HIF3A: variants seen among roughly 807,000 people sequenced by gnomAD.
HIF3A encodes the protein hypoxia-inducible factor 3-alpha.
In HIF3A, 41 loss-of-function variants were observed where a neutral mutation model predicts 67.2. That is an observed-to-expected ratio of 0.61 (90% confidence interval 0.48 to 0.79). HIF3A has a LOEUF of 0.79. Ranked by LOEUF, HIF3A falls within the 30% of genes least tolerant of loss-of-function variation. HIF3A has a pLI of 0.00. For synonymous variants in HIF3A, 356 were observed against 374.8 expected (o/e 0.95, Z 0.58); for missense variants, 855 against 898.0 (o/e 0.95, Z 0.61).
At position 46,320,440 on chromosome 19, in the gene HIF3A, C is replaced by T. The variant is rs1187977540; in HGVS notation, c.1026-3C>T. On this transcript the variant is annotated splice_region_variant and splice_polypyrimidine_tract_variant and intron_variant, in intron 8 of 14. Transcript: ENST00000377670. ...CCACCTCCCTTTCTGCCTTGTACCC[C>T]AGCCAGGTGGAAGAGACCGGAGTGG... 1 of 1,611,962 alleles carries T rather than the reference C, an allele frequency of 6.2e-7. No homozygotes were observed.
intron 3 of HIF3A, among the ~76,000 whole-genome samples, chr19:46,307,979 CAGACAGACAGACAGACAGACAGATAGAT>C (rs369313894): frequency 5.3e-5 from 3 of 57,020 alleles, no homozygotes; most frequent in Non-Finnish European, 1.0e-4. Context: ...GACAGACAGA[CAGACAGACAGACAGACAGACAGATAGAT>C]AGATAGATAG....
Position 46,310,744 on chromosome 19 carries a change from A to G in HIF3A, c.770+1385A>G, listed in dbSNP as rs531841531. On this transcript the variant is annotated intron_variant, in intron 6 of 14. Coordinates refer to ENST00000377670, the MANE Select transcript of HIF3A (RefSeq NM_152795.4). ...ATCTAATTTTTAAATCATTATTGTC[A>G]TCATTACTTTTTGTTGTTGTTGTTG... 4.8e-4 allele frequency: 172 copies of G among 357,560 alleles called. 1 individual carries two copies. Among genetic ancestry groups the G allele is most frequent in the African/African-American group, 3.4e-3 (158 of 45,886 alleles). The allele number at this position is 357,560 out of a possible 1,614,324, so 22.1% of individuals were successfully genotyped here. A position where few individuals can be genotyped will look rare whatever the true frequency, so the allele number is the denominator to read the frequency against.
chr19:46,314,657 A>G (rs1969773005), intron 8 of HIF3A, among the ~76,000 whole-genome samples: 1 of 146,786 alleles, frequency 6.8e-6, no homozygotes, highest in Admixed American at 7.3e-5. Flanking sequence ...TCCCGGGTTC[A>G]AGCAATTCTT....
At chr19:46,337,942 CTCT>C (rs1971745966) in intron 14 of HIF3A, among the ~76,000 whole-genome samples, 1 of 152,196 alleles carries the variant, frequency 6.6e-6, no homozygotes, top group Non-Finnish European at 1.5e-5. Context: ...CCCTGCTGTT[CTCT>C]TCTTTGTGCA....
intron 13 of HIF3A, among the ~76,000 whole-genome samples, chr19:46,333,113 T>C (rs1038439848): frequency 2.0e-5 from 3 of 152,268 alleles, no homozygotes; most frequent in South Asian, 4.1e-4. Context: ...AGACACTAAC[T>C]GCACTAAATT....
At position 46,339,628 on chromosome 19, in the gene HIF3A, C is replaced by T; in HGVS notation, c.*6C>T. 1.3e-6 allele frequency: 2 copies of T among 1,586,280 alleles called. No individual in the cohort carries two copies. Among genetic ancestry groups the T allele is most frequent in the Non-Finnish European group, 1.7e-6 (2 of 1,164,600 alleles). ...GCTCAGCCCAGGCTGACTGAGCCGGCTCCTCTCCCCATCTGCCTTCTCCTC... is the reference window on the plus strand; with the variant it reads ...GCTCAGCCCAGGCTGACTGAGCCGGTTCCTCTCCCCATCTGCCTTCTCCTC... On this transcript the variant is annotated 3_prime_UTR_variant, in exon 15 of 15. Coordinates refer to ENST00000377670, the MANE Select transcript of HIF3A (RefSeq NM_152795.4).
intron 11 of HIF3A, among the ~76,000 whole-genome samples, chr19:46,326,333 T>G (rs535723236): frequency 6.6e-6 from 1 of 152,172 alleles, no homozygotes; most frequent in African/African-American, 2.4e-5. Context: ...AGTAGAGAGA[T>G]AGAAAGTACA....
chr19:46,308,312 T>A lies in HIF3A; in HGVS notation c.448+7T>A. On this transcript the variant is annotated splice_region_variant and intron_variant, in intron 4 of 14. Transcript: ENST00000377670. ...GCCCTGACCCCCCAGCAGAGTGAGT[T>A]CCCTGGAGGCCTCTGTCCCCACCAT... is the stretch of plus-strand genomic sequence containing the variant. 6.3e-7 allele frequency: 1 copy of A among 1,588,316 alleles called. No homozygotes were observed. The highest frequency in any genetic ancestry group is 2.2e-5 in the East Asian group (1 of 44,738).
chr19:46,297,893 A>C lies in HIF3A; in HGVS notation c.26+791A>C, dbSNP rs148926954. On this transcript the variant is annotated intron_variant, in intron 1 of 14. Coordinates refer to ENST00000377670, the MANE Select transcript of HIF3A (RefSeq NM_152795.4). The surrounding 1 kb of genome is among the most constrained non-coding windows in gnomAD (Gnocchi z 4.5). Reference sequence around the variant, plus strand: ...CTTTATTTTGGGGAGACTCCATGGCAGGGTGCTGTGAGCCTGCAGGCTGTG... The same window carrying C: ...CTTTATTTTGGGGAGACTCCATGGCCGGGTGCTGTGAGCCTGCAGGCTGTG... Among the ~76,000 whole-genome samples, 592 of 152,038 alleles carry C rather than the reference A, an allele frequency of 3.9e-3. 3 individuals carry two copies. Among genetic ancestry groups the C allele is most frequent in the Non-Finnish European group, 4.7e-3 (322 of 67,932 alleles).
intron 1 of HIF3A, among the ~76,000 whole-genome samples, chr19:46,302,766 T>C (rs903139268): frequency 2.6e-5 from 4 of 151,902 alleles, no homozygotes; most frequent in African/African-American, 7.3e-5. Context: ...CCCAGCTACA[T>C]AAGAGGCTGA....
chr19:46,310,472 C>T, intron 6 of HIF3A: 5 of 329,066 alleles, frequency 1.5e-5, no homozygotes, highest in East Asian at 9.3e-5. Context: ...CTCTTTTTCT[C>T]TCCCCCTCTC....
intron 5 of HIF3A, 134 bp downstream of exon 5, chr19:46,308,909 C>A (rs73940659): frequency 2.9e-6 from 2 of 688,178 alleles, no homozygotes; most frequent in South Asian, 1.9e-5. Flanking sequence ...TCAGGTCTAG[C>A]GGGTCTCAGG....
At chr19:46,304,210 GT>G (rs11355187) in intron 2 of HIF3A, 122 bp downstream of exon 2, 676,526 of 809,860 alleles carry the variant, frequency 0.84, 286,139 homozygotes, top group Non-Finnish European at 0.88. Context: ...CCCTGGTGTC[GT>G]TTTTTTCGGC....
chr19:46,315,225 C>T (rs1157091747), intron 8 of HIF3A, among the ~76,000 whole-genome samples: 2 of 146,106 alleles, frequency 1.4e-5, no homozygotes, highest in Non-Finnish European at 1.5e-5. Context: ...CACCAACACG[C>T]CCAGCTAATT....
At chr19:46,321,531 C>CT (rs1431819635) in intron 9 of HIF3A, among the ~76,000 whole-genome samples, 1 of 152,176 alleles carries the variant, frequency 6.6e-6, no homozygotes, top group Admixed American at 6.5e-5. Flanking sequence ...CTGCAGTGAA[C>CT]TGAGATAGTG....
chr19:46,316,344 C>T (rs1217633445), intron 8 of HIF3A, among the ~76,000 whole-genome samples: 1 of 152,192 alleles, frequency 6.6e-6, no homozygotes, highest in Non-Finnish European at 1.5e-5. Context: ...GCCAGCATTT[C>T]GCATTGTCTG....
chr19:46,328,682 C>T (rs1409824589), intron 11 of HIF3A, among the ~76,000 whole-genome samples: 1 of 151,942 alleles, frequency 6.6e-6, no homozygotes, highest in African/African-American at 2.4e-5. Context: ...TGAGTCTTCT[C>T]AATGTTCAGA....
At chr19:46,336,910 C>T (rs1246053698) in intron 14 of HIF3A, among the ~76,000 whole-genome samples, 1 of 152,124 alleles carries the variant, frequency 6.6e-6, no homozygotes, top group African/African-American at 2.4e-5. Context: ...TCACTTGAGC[C>T]CAGGAGGCAG....
rs912179860 is a variant in HIF3A at position 46,335,157 on chromosome 19, G to A, written c.1912+171G>A. Among the ~76,000 whole-genome samples, 17 of 152,172 alleles carry A rather than the reference G, an allele frequency of 1.1e-4. 1 individual carries two copies. The highest frequency in any genetic ancestry group is 1.1e-3 in the Admixed American group (17 of 15,286). On this transcript the variant is annotated intron_variant, in intron 14 of 14. Coordinates refer to ENST00000377670, the MANE Select transcript of HIF3A (RefSeq NM_152795.4). The stretch of plus-strand genomic sequence containing the variant: ...CTTCTCATGGGCACTGTGGAGGAGA[G>A]AGCCCCTAAGGGAGGCAGGGGCTCT...
Sources: gnomAD v4.1 joint callset for allele counts (sites outside exome capture counted in the v4.1 genomes callset) on GRCh38, gnomAD v4.1.1 for gene constraint, Gnocchi (gnomAD v3.1) non-coding constraint, MANE v1.5 for transcripts, NCBI Gene and HGNC (gene_info 2026-07-23, HGNC 2026-07-21) for gene names.